STEAP1B: variants seen among roughly 807,000 people sequenced by gnomAD.
STEAP1B encodes STEAP family protein MGC87042.
In STEAP1B, 13 loss-of-function variants were observed where a neutral mutation model predicts 27.9. The ratio of observed to expected loss-of-function variants is 0.47; its 90% CI spans 0.30 to 0.74. STEAP1B has a LOEUF of 0.74. Ranked by LOEUF, STEAP1B falls within the 30% of genes least tolerant of loss-of-function variation. The pLI is 0.06. For synonymous variants in STEAP1B, 86 were observed against 107.1 expected (o/e 0.80, Z 1.22); for missense variants, 250 against 298.7 (o/e 0.84, Z 1.20).
chr7:22,475,395 T>C (rs1785953906), intron 4 of STEAP1B, among the ~76,000 whole-genome samples: 1 of 152,164 alleles, frequency 6.6e-6, no homozygotes, highest in African/African-American at 2.4e-5. Context: ...TCGTTCTGAG[T>C]CAGGGTCTTC....
At chr7:22,496,389 G>A (rs2128419126) in intron 1 of STEAP1B, among the ~76,000 whole-genome samples, 1 of 152,102 alleles carries the variant, frequency 6.6e-6, no homozygotes, top group African/African-American at 2.4e-5. Flanking sequence ...AATAAATGTA[G>A]GGTAGCCTTA....
chr7:22,455,479 T>A (rs1443498599), intron 4 of STEAP1B, among the ~76,000 whole-genome samples: 1 of 152,240 alleles, frequency 6.6e-6, no homozygotes, highest in Non-Finnish European at 1.5e-5. Flanking sequence ...CCTTAATGAG[T>A]AAAGATGTTG....
Position 22,493,479 on chromosome 7 carries a change from T to A in STEAP1B, c.442A>T (p.Lys148Ter). 6.2e-7 allele frequency: 1 copy of A among 1,613,734 alleles called. No homozygotes were observed. Among genetic ancestry groups the A allele is most frequent in the Non-Finnish European group, 8.5e-7 (1 of 1,179,670 alleles). The change falls in exon 3 of 5, where the codon AAG becomes TAG. Residue 148 changes from lysine (K) to a stop codon, truncating the protein, a stop_gained. Transcript: ENST00000678116. LOFTEE classifies it high-confidence loss of function. ...TTATCCAACCAATGTGGAAACTTCT[T>A]ATACTTGGTTCCATTATGAACTTGG... ...IVQVHNGTKY[K>*]KFPHWLDKWM...
intron 4 of STEAP1B, among the ~76,000 whole-genome samples, chr7:22,423,893 G>A (rs1456143106): frequency 6.6e-6 from 1 of 152,130 alleles, no homozygotes; most frequent in Non-Finnish European, 1.5e-5. Context: ...GCTGGGTGTG[G>A]TGGCACGCAC....
At chr7:22,445,825 AG>A (rs1785401769) in intron 4 of STEAP1B, among the ~76,000 whole-genome samples, 1 of 152,280 alleles carries the variant, frequency 6.6e-6, no homozygotes, top group South Asian at 2.1e-4. Context: ...GCGAAGAGGA[AG>A]GGAAATAAGC....
At chr7:22,438,379 G>T in intron 4 of STEAP1B, 1 of 1,225,860 alleles carries the variant, frequency 8.2e-7, no homozygotes, top group Non-Finnish European at 1.1e-6. Flanking sequence ...TAAAATAATT[G>T]GAGTAAGTTT....
intron 4 of STEAP1B, among the ~76,000 whole-genome samples, chr7:22,451,560 G>C (rs1227695215): frequency 6.6e-6 from 1 of 152,052 alleles, no homozygotes; most frequent in Admixed American, 6.5e-5. Context: ...TTTATGTTGA[G>C]GTATATTTTA....
At chr7:22,444,997 C>CG (rs1785387928) in intron 4 of STEAP1B, among the ~76,000 whole-genome samples, 1 of 152,120 alleles carries the variant, frequency 6.6e-6, no homozygotes, top group African/African-American at 2.4e-5. Flanking sequence ...TTAGATCAGT[C>CG]GTCTTCTCTA....
At chr7:22,464,099 C>A (rs1044443573) in intron 4 of STEAP1B, among the ~76,000 whole-genome samples, 4 of 152,178 alleles carry the variant, frequency 2.6e-5, no homozygotes, top group African/African-American at 9.7e-5. Context: ...TGATTGAACT[C>A]TTTTCTCTTT....
intron 4 of STEAP1B, among the ~76,000 whole-genome samples, chr7:22,474,096 T>G (rs1785932762): frequency 6.6e-6 from 1 of 152,238 alleles, no homozygotes; most frequent in Non-Finnish European, 1.5e-5. Flanking sequence ...CTTATATGCC[T>G]GGCAGTGTCT....
rs1312034754 is a variant in STEAP1B at position 22,492,624 on chromosome 7, C to T, written c.703G>A (p.Val235Met). Residue 235 changes from valine (V) to methionine (M), a missense_variant, in exon 4 of 5, where the codon GTG (valine) becomes ATG (methionine). Val to Met is a conservative substitution (Grantham distance 21). Coordinates refer to ENST00000678116, the MANE Select transcript of STEAP1B (RefSeq NM_001382447.1). ...VGLAILALLA[V>M]TSIPSVSDSL... ...TCACTCACAGATGGAATAGATGTCA[C>T]AGCCAACAGAGCCAGTATTGCCAGT... The T allele has an allele frequency of 1.2e-6, 2 of 1,613,618 alleles. No individual in the cohort carries two copies. The highest frequency in any genetic ancestry group is 1.7e-5 in the Admixed American group (1 of 59,966).
At chr7:22,420,725 C>A (rs1301521644) in intron 4 of STEAP1B, among the ~76,000 whole-genome samples, 1 of 152,232 alleles carries the variant, frequency 6.6e-6, no homozygotes, top group Non-Finnish European at 1.5e-5. Flanking sequence ...TCTGCCTCAA[C>A]CCTTTTTAAA....
chr7:22,431,666 A>G (rs1403335841), intron 4 of STEAP1B, among the ~76,000 whole-genome samples: 1 of 152,182 alleles, frequency 6.6e-6, no homozygotes, highest in African/African-American at 2.4e-5. Context: ...CAGCTTTTTG[A>G]TTTCTGACTT....
chr7:22,420,773 G>T (rs949118600), intron 4 of STEAP1B, among the ~76,000 whole-genome samples: 1 of 152,160 alleles, frequency 6.6e-6, no homozygotes, highest in Non-Finnish European at 1.5e-5. Flanking sequence ...CATGGCACTT[G>T]GTATTTGCCT....
chr7:22,439,666 A>G (rs996646519), intron 4 of STEAP1B, among the ~76,000 whole-genome samples: 36 of 152,218 alleles, frequency 2.4e-4, no homozygotes, highest in African/African-American at 8.4e-4. Context: ...AAAGTAACAG[A>G]CCAGAACTTG....
chr7:22,466,578 G>C (rs976226484), intron 4 of STEAP1B, among the ~76,000 whole-genome samples: 2 of 152,094 alleles, frequency 1.3e-5, no homozygotes. Flanking sequence ...CCAGCCTCCA[G>C]AACTATGAGA....
intron 4 of STEAP1B, among the ~76,000 whole-genome samples, chr7:22,463,184 A>T (rs1465263713): frequency 6.6e-6 from 1 of 152,006 alleles, no homozygotes; most frequent in African/African-American, 2.4e-5. Context: ...GAGCCAAATC[A>T]TGAGTGAACT....
At chr7:22,438,569 C>T in intron 4 of STEAP1B, 3 of 1,552,144 alleles carry the variant, frequency 1.9e-6, no homozygotes, top group Non-Finnish European at 2.6e-6. Context: ...TGAGAGCTAA[C>T]ATTTCCCTTT....
chr7:22,436,747 G>A (rs554834494), intron 4 of STEAP1B, among the ~76,000 whole-genome samples: 1 of 152,308 alleles, frequency 6.6e-6, no homozygotes, highest in Non-Finnish European at 1.5e-5. Flanking sequence ...AGACTGCATA[G>A]TATTCCATGG....
Sources: allele counts gnomAD v4.1 joint callset (sites outside exome capture counted in the v4.1 genomes callset), GRCh38; gene constraint gnomAD v4.1.1; transcripts MANE v1.5; gene names NCBI Gene and HGNC (gene_info 2026-07-23, HGNC 2026-07-21).